Variants in TINAG observed in about 807,000 individuals in gnomAD.
The protein encoded by TINAG is tubulointerstitial nephritis antigen.
A neutral mutation model predicts 72.7 loss-of-function variants in TINAG; 83 were observed. The ratio of observed to expected loss-of-function variants is 1.14; its 90% CI spans 0.96 to 1.37. The LOEUF (loss-of-function observed/expected upper bound fraction) is 1.37. TINAG is among the 40% of genes most tolerant of loss of function. The pLI is 0.00. For missense variants in TINAG, 685 were observed against 576.6 expected, an observed-to-expected ratio of 1.19 and a Z score of -1.93; for synonymous variants, 234 against 189.9, an observed-to-expected ratio of 1.23 and a Z score of -1.91.
intron 1 of TINAG, among the ~76,000 whole-genome samples, chr6:54,317,565 G>A (rs1242492477): frequency 6.6e-6 from 1 of 152,156 alleles, no homozygotes; most frequent in Non-Finnish European, 1.5e-5. Context: ...CCTCAGCCAT[G>A]TGGAACTGTG....
At chr6:54,322,039 T>A (rs1204298267) in intron 3 of TINAG, among the ~76,000 whole-genome samples, 1 of 152,154 alleles carries the variant, frequency 6.6e-6, no homozygotes, top group Non-Finnish European at 1.5e-5. Context: ...AGGTGGCTTA[T>A]GCCTGTAATC....
intron 9 of TINAG, among the ~76,000 whole-genome samples, chr6:54,376,305 C>T (rs999265920): frequency 9.2e-5 from 14 of 151,932 alleles, no homozygotes; most frequent in South Asian, 6.2e-4. Context: ...GACAGTTTTT[C>T]GAAAGCAAAA....
At chr6:54,365,692 A>G (rs1763386639) in intron 9 of TINAG, among the ~76,000 whole-genome samples, 1 of 151,676 alleles carries the variant, frequency 6.6e-6, no homozygotes, top group South Asian at 2.1e-4. Context: ...GAACATTTTA[A>G]TGAGTTATAT....
intron 1 of TINAG, among the ~76,000 whole-genome samples, chr6:54,312,072 T>C (rs894452587): frequency 2.0e-5 from 3 of 152,084 alleles, no homozygotes; most frequent in African/African-American, 7.2e-5. Context: ...TTGTTTTTTG[T>C]TTTTGACAGG....
chr6:54,326,776 A>T, intron 3 of TINAG, 26 bp from the exon 4 acceptor site: 1 of 1,531,474 alleles, frequency 6.5e-7, no homozygotes, highest in South Asian at 1.2e-5. Context: ...ATATTTTTCT[A>T]TATTTTTCTC....
At chr6:54,363,703 A>T (rs1763316381) in intron 9 of TINAG, among the ~76,000 whole-genome samples, 1 of 151,524 alleles carries the variant, frequency 6.6e-6, no homozygotes, top group African/African-American at 2.4e-5. Flanking sequence ...CAGAAAAAGA[A>T]GACAGACTGA....
At chr6:54,351,921 G>A (rs1397993289) in intron 8 of TINAG, among the ~76,000 whole-genome samples, 1 of 151,790 alleles carries the variant, frequency 6.6e-6, no homozygotes, top group Non-Finnish European at 1.5e-5. Context: ...GATCAATTTT[G>A]TAAATGTTTT....
chr6:54,327,357 A>C (rs570346891), intron 4 of TINAG: 1 of 483,608 alleles, frequency 2.1e-6, no homozygotes, highest in Non-Finnish European at 3.3e-6. Flanking sequence ...GAGGCTGGGA[A>C]CTCCCTCCCT....
At chr6:54,380,682 T>G in intron 10 of TINAG, 111 bp downstream of exon 10, 1 of 749,614 alleles carries the variant, frequency 1.3e-6, no homozygotes. Flanking sequence ...CTGTGTAATA[T>G]TGTTGATAAC....
chr6:54,328,083 G>A (rs1425776274), intron 4 of TINAG, among the ~76,000 whole-genome samples: 1 of 152,168 alleles, frequency 6.6e-6, no homozygotes, highest in Admixed American at 6.5e-5. Context: ...TCTGAAGAGA[G>A]CAGTGGATAT....
chr6:54,325,027 T>C (rs536367815), intron 3 of TINAG, among the ~76,000 whole-genome samples: 1 of 152,340 alleles, frequency 6.6e-6, no homozygotes, highest in Non-Finnish European at 1.5e-5. Context: ...TGTCATTCCC[T>C]AAACATGCCA....
chr6:54,371,690 A>T (rs567115794), intron 9 of TINAG, among the ~76,000 whole-genome samples: 3 of 152,118 alleles, frequency 2.0e-5, no homozygotes, highest in African/African-American at 7.2e-5. Flanking sequence ...ATGCGATAAA[A>T]TTTTTTATGA....
At chr6:54,353,808 C>T (rs901147279) in intron 8 of TINAG, among the ~76,000 whole-genome samples, 4 of 151,592 alleles carry the variant, frequency 2.6e-5, no homozygotes, top group Non-Finnish European at 5.9e-5. Context: ...ATATCTAATC[C>T]CAATTAAAAA....
At chr6:54,323,484 G>A (rs763013233) in intron 3 of TINAG, among the ~76,000 whole-genome samples, 18 of 152,072 alleles carry the variant, frequency 1.2e-4, no homozygotes, top group Middle Eastern at 3.2e-3. Context: ...CATCAAATAT[G>A]CAATCTTTGG....
intron 6 of TINAG, 70 bp from the exon 7 acceptor site, chr6:54,349,646 A>T: frequency 4.5e-6 from 6 of 1,320,410 alleles, no homozygotes; most frequent in Non-Finnish European, 6.1e-6. Context: ...ATTCAGTAAG[A>T]TTAAATATAA....
At chr6:54,320,939 C>T (rs1390457658) in intron 2 of TINAG, among the ~76,000 whole-genome samples, 2 of 152,084 alleles carry the variant, frequency 1.3e-5, no homozygotes, top group African/African-American at 4.8e-5. Flanking sequence ...TACCCTAAGG[C>T]AAATTGTGTT....
intron 4 of TINAG, among the ~76,000 whole-genome samples, chr6:54,337,434 A>G (rs189989579): frequency 1.2e-4 from 18 of 151,968 alleles, no homozygotes; most frequent in Admixed American, 1.2e-3. Context: ...TCGTATTTTT[A>G]GTAGAGACAG....
At chr6:54,330,445 C>T (rs1223386919) in intron 4 of TINAG, among the ~76,000 whole-genome samples, 3 of 152,108 alleles carry the variant, frequency 2.0e-5, no homozygotes, top group Admixed American at 6.5e-5. Flanking sequence ...CTCTGGGACA[C>T]AGCTAAAACA....
chr6:54,343,106 G>A, intron 4 of TINAG, 120 bp from the exon 5 acceptor site: 2 of 896,368 alleles, frequency 2.2e-6, no homozygotes, highest in Non-Finnish European at 3.0e-6. Context: ...TAGTTCATCT[G>A]GAAACTTGGA....
Sources: gnomAD v4.1 joint callset for allele counts (sites outside exome capture counted in the v4.1 genomes callset) on GRCh38, gnomAD v4.1.1 for gene constraint, MANE v1.5 for transcripts, NCBI Gene and HGNC (gene_info 2026-07-23, HGNC 2026-07-21) for gene names.